Variants in SNAPC2 observed in about 807,000 individuals in gnomAD.
SNAPC2 encodes snRNA-activating protein complex subunit 2.
In SNAPC2, 27 loss-of-function variants were observed where a neutral mutation model predicts 22.9. That is an observed-to-expected ratio of 1.18 (90% confidence interval 0.87 to 1.63). The LOEUF (loss-of-function observed/expected upper bound fraction) is 1.63, where lower values mean the gene tolerates loss of function less well. Ranked by LOEUF, SNAPC2 falls within the 40% of genes most tolerant of loss-of-function variation. The pLI, the probability that SNAPC2 is intolerant of heterozygous loss-of-function variation, is 0.00. For missense variants in SNAPC2, 570 were observed against 449.1 expected (o/e 1.27, Z -2.43); for synonymous variants, 272 against 201.0 (o/e 1.35, Z -2.99).
In SNAPC2 at chr19:7,921,425, C is replaced by T. The variant is rs1192422081; in HGVS notation, c.186C>T (p.Ile62=). The change falls in exon 2 of 5, where the codon ATC becomes ATT. Residue 62 remains isoleucine, a splice_region_variant and synonymous_variant. Transcript: ENST00000221573. Reference sequence around the variant, plus strand: ...TCCGCCGCCTCTTTCCTTTCTAGATCCGGGTCTTCCTCCAGCAGCTCAAGG... The same window carrying T: ...TCCGCCGCCTCTTTCCTTTCTAGATTCGGGTCTTCCTCCAGCAGCTCAAGG... ...RELRGRSEAE[I]RVFLQQLKGR... The T allele has an allele frequency of 5.6e-6, 9 of 1,613,734 alleles. No individual in the cohort carries two copies. The highest frequency in any genetic ancestry group is 7.6e-6 in the Non-Finnish European group (9 of 1,179,838).
chr19:7,921,855 G>A, intron 3 of SNAPC2, 82 bp downstream of exon 3: 1 of 1,491,490 alleles, frequency 6.7e-7, no homozygotes, highest in South Asian at 1.2e-5. Context: ...TGGGTCCTGG[G>A]CCCTTTTGCC....
chr19:7,921,069 C>T, intron 1 of SNAPC2: 1 of 1,188,508 alleles, frequency 8.4e-7, no homozygotes, highest in Non-Finnish European at 1.0e-6. Flanking sequence ...AAGATGCTGC[C>T]GAGTCCGGGC....
intron 1 of SNAPC2, 185 bp downstream of exon 1, chr19:7,920,734 G>T (rs1156319951): frequency 4.0e-6 from 2 of 504,638 alleles, no homozygotes; most frequent in Non-Finnish European, 6.6e-6. Context: ...GGCGGGGCGT[G>T]GACGGGAAGA....
At position 7,922,530 on chromosome 19, in the gene SNAPC2, G is replaced by A. The variant is rs751360273; in HGVS notation, c.771G>A (p.Thr257=). 15 of 1,612,740 alleles carry A rather than the reference G, an allele frequency of 9.3e-6. No individual in the cohort carries two copies. In the African/African-American group the frequency reaches 9.3e-5, roughly 10 times the overall value. The part of the protein sequence containing the change: ...LPCTALVEHM[T]ETYLRLTAPQ... ...GCACAGCCCTGGTTGAGCATATGAC[G>A]GAGACGTACCTACGCCTGACAGCCC... The change falls in exon 5 of 5, where the codon ACG becomes ACA. Residue 257 remains threonine (T), a synonymous_variant. Coordinates refer to ENST00000221573, the MANE Select transcript of SNAPC2 (RefSeq NM_003083.4).
Position 7,922,506 on chromosome 19 carries a change from C to T in SNAPC2, c.747C>T (p.Cys249=), listed in dbSNP as rs1412431835. The T allele has an allele frequency of 3.1e-6, 5 of 1,609,948 alleles. No homozygotes were observed. Among genetic ancestry groups the T allele is most frequent in the East Asian group, 2.2e-5 (1 of 44,754 alleles). The change falls in exon 5 of 5, where the codon TGC becomes TGT. Residue 249 remains cysteine (C), a synonymous_variant. Transcript: ENST00000221573. ...SLPEELPLLP[C]TALVEHMTET... ...CAGAGGAGCTGCCACTCCTGCCCTG[C>T]ACAGCCCTGGTTGAGCATATGACGG...
Position 7,922,913 on chromosome 19 carries a change from T to C in SNAPC2, c.*149T>C, listed in dbSNP as rs1056078086. On this transcript the variant is annotated 3_prime_UTR_variant, in exon 5 of 5. Transcript: ENST00000221573. Reference sequence around the variant, plus strand: ...TGGGGCGGGCCTCTAAGATGCCCCATACTTTGGGGGTCTCAGAAATGGAAC... The same window carrying C: ...TGGGGCGGGCCTCTAAGATGCCCCACACTTTGGGGGTCTCAGAAATGGAAC... The C allele has an allele frequency of 3.1e-6, 2 of 639,768 alleles. No homozygotes were observed. The highest frequency in any genetic ancestry group is 3.1e-5 in the Admixed American group (1 of 32,022). The allele number at this position is 639,768 out of a possible 1,614,324, so 39.6% of individuals were successfully genotyped here. A position where few individuals can be genotyped will look rare whatever the true frequency, so the allele number is the denominator to read the frequency against.
Position 7,922,392 on chromosome 19 carries a change from C to T in SNAPC2, c.685+45C>T, listed in dbSNP as rs374039766. 7.0e-4 allele frequency: 1,120 copies of T among 1,593,318 alleles called. 7 individuals carry two copies. In the Middle Eastern group the frequency reaches 0.018, roughly 26 times the overall value. ...GGGCAGGAGCAGAGGGATCAAGGGT[C>T]CCTGGCAGCAGGCAGGGGTGTCCCC... On this transcript the variant is annotated intron_variant, in intron 4 of 4. Coordinates refer to ENST00000221573, the MANE Select transcript of SNAPC2 (RefSeq NM_003083.4).
At chr19:7,921,163 G>A (rs1359483665) in intron 1 of SNAPC2, 13 of 1,391,838 alleles carry the variant, frequency 9.3e-6, no homozygotes, top group Non-Finnish European at 1.2e-5. Context: ...GGAGTTGAAC[G>A]GGGTAGTAGT....
In SNAPC2 at chr19:7,922,218, C is replaced by T. The variant is rs1472122194; in HGVS notation, c.556C>T (p.Pro186Ser). Residue 186 changes from proline to serine, a missense_variant, in exon 4 of 5, where the codon CCT becomes TCT. By Grantham distance (74) the Pro-to-Ser change is moderately conservative. Transcript: ENST00000221573. ...CGCACCCAGGACTCCTGACCCTGCCCCTGAGAAACCTTCTGAGTCGTCGGC... is the reference window on the plus strand; with the variant it reads ...CGCACCCAGGACTCCTGACCCTGCCTCTGAGAAACCTTCTGAGTCGTCGGC... ...SSAPRTPDPA[P>S]EKPSESSAGP... 2 of 1,614,044 alleles carry T rather than the reference C, an allele frequency of 1.2e-6. No individual in the cohort carries two copies. The highest frequency in any genetic ancestry group is 1.3e-5 in the African/African-American group (1 of 74,928).
chr19:7,921,427 G>C lies in SNAPC2; in HGVS notation c.188G>C (p.Arg63Pro). Residue 63 changes from arginine to proline, a missense_variant, in exon 2 of 5, where the codon CGG (arginine) becomes CCG (proline). Physicochemically the swap from Arg to Pro is moderately radical, Grantham distance 103. Coordinates refer to ENST00000221573, the MANE Select transcript of SNAPC2 (RefSeq NM_003083.4). ...CGCCGCCTCTTTCCTTTCTAGATCC[G>C]GGTCTTCCTCCAGCAGCTCAAGGGC... Reference protein sequence around the residue: ...ELRGRSEAEIRVFLQQLKGRV... With the variant: ...ELRGRSEAEIPVFLQQLKGRV... The C allele has an allele frequency of 6.2e-7, 1 of 1,613,826 alleles. No individual in the cohort carries two copies. Among genetic ancestry groups the C allele is most frequent in the South Asian group, 1.1e-5 (1 of 91,080 alleles).
chr19:7,922,277 C>T lies in SNAPC2; in HGVS notation c.615C>T (p.Asp205=). 6.2e-7 allele frequency: 1 copy of T among 1,614,020 alleles called. No homozygotes were observed. Among genetic ancestry groups the T allele is most frequent in the Non-Finnish European group, 8.5e-7 (1 of 1,180,012 alleles). ...CCACTGAAGAAGACTTTGCTGTGGA[C>T]TTTGAGAAGATCTACAAGTACTTGT... ...GPSTEEDFAV[D]FEKIYKYLSS... The change falls in exon 4 of 5, where the codon GAC becomes GAT. Residue 205 remains aspartate, a synonymous_variant. Coordinates refer to ENST00000221573, the MANE Select transcript of SNAPC2 (RefSeq NM_003083.4).
Position 7,921,759 on chromosome 19 carries a change from G to A in SNAPC2, c.358G>A (p.Val120Met), listed in dbSNP as rs1450493756. 1 of 1,613,138 alleles carries A rather than the reference G, an allele frequency of 6.2e-7. No individual in the cohort carries two copies. The highest frequency in any genetic ancestry group is 1.3e-5 in the African/African-American group (1 of 74,918). ...ITGPLEEALA[V>M]AFSQVLTIAA... is the part of the protein sequence containing the mutation. ...AGGGCCACTGGAAGAAGCCCTGGCA[G>A]TGGCTTTCTCGCAGGTACCGCCATT... Residue 120 changes from valine to methionine, a missense_variant, in exon 3 of 5, where the codon GTG becomes ATG. Coordinates refer to ENST00000221573, the MANE Select transcript of SNAPC2 (RefSeq NM_003083.4).
chr19:7,922,357 G>C lies in SNAPC2; in HGVS notation c.685+10G>C, dbSNP rs752253859. On this transcript the variant is annotated intron_variant, in intron 4 of 4. Transcript: ENST00000221573. The stretch of plus-strand genomic sequence containing the variant: ...GAGCTCTCAGCAGCTGGTGAGAAGG[G>C]TGAGGGAGGGGGCAGGAGCAGAGGG... The C allele has an allele frequency of 2.5e-6, 4 of 1,610,582 alleles. No individual in the cohort carries two copies. Among genetic ancestry groups the C allele is most frequent in the South Asian group, 2.2e-5 (2 of 90,720 alleles).
rs1672603737 is a variant in SNAPC2 at position 7,922,749 on chromosome 19, C to T, written c.990C>T (p.Ala330=). ...LVPLELLGRA[A]TPAR The stretch of plus-strand genomic sequence containing the variant: ...CCCTGGAGCTTCTGGGTCGGGCAGC[C>T]ACCCCTGCCAGGTGAGGGGCATGGC... Residue 330 remains alanine, a synonymous_variant, in exon 5 of 5, where the codon GCC becomes GCT. Transcript: ENST00000221573. 6.3e-7 allele frequency: 1 copy of T among 1,587,830 alleles called. No homozygotes were observed. Among genetic ancestry groups the T allele is most frequent in the South Asian group, 1.1e-5 (1 of 89,772 alleles).
rs1983635294 is a variant in SNAPC2, at chr19:7,922,836, T to C, written c.*72T>C. 2.4e-6 allele frequency: 3 copies of C among 1,240,746 alleles called. No individual in the cohort carries two copies. Among genetic ancestry groups the C allele is most frequent in the Non-Finnish European group, 3.4e-6 (3 of 894,582 alleles). The allele number at this position is 1,240,746 out of a possible 1,614,324, so 76.9% of individuals were successfully genotyped here. On this transcript the variant is annotated 3_prime_UTR_variant, in exon 5 of 5. Coordinates refer to ENST00000221573, the MANE Select transcript of SNAPC2 (RefSeq NM_003083.4). The stretch of plus-strand genomic sequence containing the variant: ...TCGGTTCTGCTCGGCTGGCCCTGGC[T>C]CTTTCTGAGGATCCCGTCATGGGGG...
At position 7,922,477 on chromosome 19, in the gene SNAPC2, C is replaced by G. The variant is rs779844871; in HGVS notation, c.718C>G (p.Leu240Val). 13 of 1,599,824 alleles carry G rather than the reference C, an allele frequency of 8.1e-6. No homozygotes were observed. In the East Asian group the frequency reaches 2.7e-4, roughly 33 times the overall value. ...TGTGGTCCTCGACCTGCTCATGTCA[C>G]TTCCAGAGGAGCTGCCACTCCTGCC... ...SAVVLDLLMS[L>V]PEELPLLPCT... Residue 240 changes from leucine to valine, a missense_variant, in exon 5 of 5, where the codon CTT becomes GTT. Coordinates refer to ENST00000221573, the MANE Select transcript of SNAPC2 (RefSeq NM_003083.4).
chr19:7,920,727 G>A lies in SNAPC2; in HGVS notation c.183+178G>A, dbSNP rs577907082. 4.9e-3 allele frequency: 2,465 copies of A among 504,522 alleles called. 52 individuals carry two copies. The highest frequency in any genetic ancestry group is 6.4e-3 in the Non-Finnish European group (1,908 of 299,982). 31.3% of individuals were successfully genotyped at this position (504,522 alleles called of 1,614,324 possible). On this transcript the variant is annotated intron_variant, in intron 1 of 4. Coordinates refer to ENST00000221573, the MANE Select transcript of SNAPC2 (RefSeq NM_003083.4). Reference sequence around the variant, plus strand: ...GGTGAGCCTGGGCGGGGTGAGGGGCGGGGCGTGGACGGGAAGAGAAGACCT... The same window carrying A: ...GGTGAGCCTGGGCGGGGTGAGGGGCAGGGCGTGGACGGGAAGAGAAGACCT...
intron 1 of SNAPC2, chr19:7,921,067 G>C (rs1383176188): frequency 1.7e-6 from 2 of 1,191,564 alleles, no homozygotes; most frequent in African/African-American, 3.2e-5. Context: ...GTAAGATGCT[G>C]CCGAGTCCGG....
chr19:7,921,190 C>T, intron 1 of SNAPC2: 1 of 1,424,450 alleles, frequency 7.0e-7, no homozygotes, highest in South Asian at 1.5e-5. Flanking sequence ...AGGGTTGGGC[C>T]CTGGCTGCGT....
Sources: allele counts gnomAD v4.1 joint callset, GRCh38; gene constraint gnomAD v4.1.1; transcripts MANE v1.5; gene names NCBI Gene and HGNC (gene_info 2026-07-23, HGNC 2026-07-21).